Variants in PPP1R7 observed in about 807,000 individuals in gnomAD.
The protein encoded by PPP1R7 is protein phosphatase 1 regulatory subunit 7.
Under a neutral mutation model 45.2 loss-of-function variants are expected in PPP1R7, and 18 were observed. The observed-to-expected ratio is 0.40, with a 90% CI of 0.28 to 0.59. The LOEUF (loss-of-function observed/expected upper bound fraction) is 0.59. Ranked by LOEUF, PPP1R7 falls within the 20% of genes least tolerant of loss-of-function variation. PPP1R7 has a pLI of 0.46. For missense variants in PPP1R7, 314 were observed against 455.8 expected (o/e 0.69, Z 2.83); for synonymous variants, 181 against 183.4 (o/e 0.99, Z 0.11).
At chr2:241,157,776 C>T in intron 2 of PPP1R7, 31 bp from the exon 3 acceptor site, 1 of 1,603,542 alleles carries the variant, frequency 6.2e-7, no homozygotes, top group Non-Finnish European at 8.5e-7. Context: ...TAATGGGGTT[C>T]TGAACAAATC....
At chr2:241,151,333 C>T (rs964969442) in intron 1 of PPP1R7, 1 of 412,794 alleles carries the variant, frequency 2.4e-6, no homozygotes, top group South Asian at 1.8e-5. Context: ...GAAGAGCAGT[C>T]ACTGCCTTAT....
intron 6 of PPP1R7, 68 bp from the exon 7 acceptor site, chr2:241,163,217 G>A (rs2067633077): frequency 9.7e-6 from 10 of 1,027,084 alleles, no homozygotes; most frequent in Admixed American, 9.5e-5. Flanking sequence ...CCCCGGTCCA[G>A]GCACCTGCTG....
intron 7 of PPP1R7, among the ~76,000 whole-genome samples, chr2:241,164,548 G>A (rs978456949): frequency 6.6e-6 from 1 of 152,148 alleles, no homozygotes; most frequent in Admixed American, 6.5e-5. Context: ...TGATACTGAG[G>A]GGCATGTGGA....
upstream of PPP1R7, chr2:241,150,305 C>G: frequency 7.5e-7 from 1 of 1,336,698 alleles, no homozygotes. Flanking sequence ...AAATTACCTG[C>G]TCTGGGGGAG....
intron 8 of PPP1R7, chr2:241,166,942 C>G (rs1399625664): frequency 3.1e-6 from 3 of 966,606 alleles, no homozygotes; most frequent in Non-Finnish European, 4.8e-6. Context: ...CCTCTTCTTA[C>G]AGTATGAGCA....
intron 9 of PPP1R7, among the ~76,000 whole-genome samples, chr2:241,178,999 T>C (rs917624171): frequency 1.2e-4 from 18 of 152,128 alleles, no homozygotes; most frequent in Non-Finnish European, 2.4e-4. Flanking sequence ...GTGAATTTTC[T>C]ATAATATCAG....
intron 2 of PPP1R7, chr2:241,155,409 T>C (rs1330475070): frequency 6.6e-6 from 1 of 152,250 alleles, no homozygotes; most frequent in African/African-American, 2.4e-5. Flanking sequence ...TAGCTGATTA[T>C]GAATTTTCTG....
rs116668840 is a variant in PPP1R7 at position 241,179,455 on chromosome 2, T to C, written c.907-3192T>C. On this transcript the variant is annotated intron_variant, in intron 9 of 9. Transcript: ENST00000234038. ...TCTAACCAAGCATTCATACCTAACT[T>C]TGAGTTTATGGGAAGTGTAAGAGCT... 2.3e-3 allele frequency among the ~76,000 whole-genome samples: 344 copies of C among 152,278 alleles called. 1 individual carries two copies. Among genetic ancestry groups the C allele is most frequent in the African/African-American group, 8.0e-3 (332 of 41,550 alleles).
At chr2:241,154,179 C>CAAAAAAAAAAA (rs1167747738) in intron 2 of PPP1R7, among the ~76,000 whole-genome samples, 1 of 50,490 alleles carries the variant, frequency 2.0e-5, no homozygotes, top group African/African-American at 6.9e-5. Flanking sequence ...TACTCCTTCT[C>CAAAAAAAAAAA]AAAAAAAAAA....
chr2:241,165,219 G>A (rs1215485158), intron 7 of PPP1R7, among the ~76,000 whole-genome samples: 1 of 151,974 alleles, frequency 6.6e-6, no homozygotes, highest in Non-Finnish European at 1.5e-5. Flanking sequence ...CCAGGCTGGA[G>A]CACAGGGGTG....
At chr2:241,154,999 C>A (rs1160568755) in intron 2 of PPP1R7, 1 of 152,162 alleles carries the variant, frequency 6.6e-6, no homozygotes, top group East Asian at 1.9e-4. Context: ...CACAAAAGTA[C>A]CAGTCACATT....
intron 4 of PPP1R7, 65 bp downstream of exon 4, chr2:241,158,614 G>A (rs2067514577): frequency 2.7e-6 from 4 of 1,506,568 alleles, no homozygotes; most frequent in South Asian, 1.1e-5. Context: ...GTCCAGAATC[G>A]AGCAGTCAGT....
intron 2 of PPP1R7, among the ~76,000 whole-genome samples, chr2:241,154,296 T>A (rs776043943): frequency 1.1e-4 from 16 of 152,060 alleles, no homozygotes; most frequent in Non-Finnish European, 4.4e-5. Context: ...GCTGTGTTTC[T>A]ATGTCCTACC....
chr2:241,157,804 CAGA>C lies in PPP1R7; in HGVS notation c.184_186del (p.Glu62del), dbSNP rs1396536011. ...AACAAATCTCTTTTTCTTATTTTTTCAGAAGAACATGAGCTGCCTGTGGACATG... is the reference window on the plus strand; with the variant it reads ...AACAAATCTCTTTTTCTTATTTTTTCAGAACATGAGCTGCCTGTGGACATG... On this transcript the variant is annotated splice_acceptor_variant and coding_sequence_variant, in exon 3 of 10. Coordinates refer to ENST00000234038, the MANE Select transcript of PPP1R7 (RefSeq NM_002712.3). LOFTEE classifies it high-confidence loss of function. 6.2e-7 allele frequency: 1 copy of C among 1,613,226 alleles called. No homozygotes were observed.
At chr2:241,179,343 G>A (rs907893537) in intron 9 of PPP1R7, among the ~76,000 whole-genome samples, 5 of 152,134 alleles carry the variant, frequency 3.3e-5, no homozygotes, top group Admixed American at 6.5e-5. Flanking sequence ...ATAAAACTTA[G>A]CATCCCTAAT....
At chr2:241,160,566 T>A in intron 6 of PPP1R7, 72 bp downstream of exon 6, 1 of 1,343,340 alleles carries the variant, frequency 7.4e-7, no homozygotes, top group South Asian at 1.5e-5. Flanking sequence ...ACTCAGTGGG[T>A]GTATGTAGAA....
At chr2:241,159,152 C>G (rs2067527117) in intron 4 of PPP1R7, 61 bp from the exon 5 acceptor site, 1 of 1,572,182 alleles carries the variant, frequency 6.4e-7, no homozygotes, top group Non-Finnish European at 8.7e-7. Context: ...CCAGTATCAG[C>G]TGAGGCCTTC....
intron 9 of PPP1R7, among the ~76,000 whole-genome samples, chr2:241,172,251 T>A (rs1289054074): frequency 6.6e-6 from 1 of 152,140 alleles, no homozygotes; most frequent in East Asian, 1.9e-4. Context: ...GGGAGGGTTG[T>A]TTTAGCGATT....
intron 2 of PPP1R7, 126 bp from the exon 3 acceptor site, chr2:241,157,681 G>A: frequency 2.4e-6 from 2 of 833,840 alleles, no homozygotes. Flanking sequence ...CTTCCCATTG[G>A]TTCCTCCTCG....
Sources: gnomAD v4.1 joint callset for allele counts (sites outside exome capture counted in the v4.1 genomes callset) on GRCh38, gnomAD v4.1.1 for gene constraint, MANE v1.5 for transcripts, NCBI Gene and HGNC (gene_info 2026-07-23, HGNC 2026-07-21) for gene names.